Variants in COMMD1 observed in about 807,000 individuals in gnomAD.
COMMD1 encodes COMM domain-containing protein 1.
A neutral mutation model predicts 17.2 loss-of-function variants in COMMD1; 10 were observed. That is an observed-to-expected ratio of 0.58 (90% CI 0.36 to 0.99). The LOEUF is 0.99. Ranked by LOEUF, COMMD1 falls within the 50% of genes least tolerant of loss-of-function variation. The pLI is 0.01. For missense variants in COMMD1, 270 were observed against 231.8 expected, an observed-to-expected ratio of 1.17 and a Z score of -1.07; for synonymous variants, 97 against 91.6, an observed-to-expected ratio of 1.06 and a Z score of -0.34.
At chr2:61,917,359 A>G (rs1208844093) in intron 1 of COMMD1, among the ~76,000 whole-genome samples, 3 of 151,380 alleles carry the variant, frequency 2.0e-5, no homozygotes, top group East Asian at 3.9e-4. Context: ...TCCAGTTTAA[A>G]AAAAAAAAAA....
intron 2 of COMMD1, among the ~76,000 whole-genome samples, chr2:62,094,828 C>T (rs927804554): frequency 2.6e-5 from 4 of 152,224 alleles, no homozygotes; most frequent in Admixed American, 6.5e-5. Context: ...AATACAATTT[C>T]TGTACTTGAA....
At chr2:62,042,115 CTGTT>C (rs1048738984) in intron 2 of COMMD1, among the ~76,000 whole-genome samples, 5 of 152,178 alleles carry the variant, frequency 3.3e-5, no homozygotes, top group Admixed American at 6.5e-5. Flanking sequence ...GCTGATTGGT[CTGTT>C]TGACAGAGCG....
chr2:62,009,316 A>T (rs1287582638), intron 2 of COMMD1, among the ~76,000 whole-genome samples: 1 of 152,114 alleles, frequency 6.6e-6, no homozygotes, highest in African/African-American at 2.4e-5. Context: ...GAAAAAAGAA[A>T]GAATAAGACT....
chr2:61,904,312 C>T (rs1044616958), upstream of COMMD1, among the ~76,000 whole-genome samples: 2 of 152,188 alleles, frequency 1.3e-5, no homozygotes, highest in African/African-American at 4.8e-5. Flanking sequence ...TGCCCGGCAA[C>T]ACAATGTATT....
intron 2 of COMMD1, among the ~76,000 whole-genome samples, chr2:62,121,024 A>G (rs937684317): frequency 4.6e-5 from 7 of 152,060 alleles, no homozygotes; most frequent in African/African-American, 1.7e-4. Context: ...GATTACAGAT[A>G]TGAGCCACCA....
intron 1 of COMMD1, among the ~76,000 whole-genome samples, chr2:61,950,629 G>C (rs1671026964): frequency 1.3e-5 from 2 of 152,192 alleles, no homozygotes; most frequent in South Asian, 4.1e-4. Flanking sequence ...GCATATCCAA[G>C]TTGCCAGCAT....
intron 1 of COMMD1, among the ~76,000 whole-genome samples, chr2:61,974,906 T>A (rs1242317460): frequency 6.6e-6 from 1 of 152,020 alleles, no homozygotes; most frequent in Non-Finnish European, 1.5e-5. Flanking sequence ...TAGCGTTCAC[T>A]CTGCTTCAGC....
At chr2:62,098,482 C>A (rs1672080126) in intron 2 of COMMD1, among the ~76,000 whole-genome samples, 1 of 152,120 alleles carries the variant, frequency 6.6e-6, no homozygotes, top group African/African-American at 2.4e-5. Context: ...GACTAAGTGA[C>A]TGGTGGGCAA....
In COMMD1 at chr2:61,995,199, C is replaced by A. The variant is rs150587287; in HGVS notation, c.181-5502C>A. On this transcript the variant is annotated intron_variant, in intron 1 of 2. Coordinates refer to ENST00000311832, the MANE Select transcript of COMMD1 (RefSeq NM_152516.4). ...TCCAGGGCTTGAACAATACTCCTGC[C>A]TCAGCCTCTGGAGTAGCTGGGACTG... Among the ~76,000 whole-genome samples, 762 of 152,292 alleles carry A rather than the reference C, an allele frequency of 5.0e-3. 9 individuals carry two copies. The highest frequency in any genetic ancestry group is 0.016 in the African/African-American group (682 of 41,554).
chr2:62,057,667 T>G (rs1415276005), intron 2 of COMMD1, among the ~76,000 whole-genome samples: 1 of 152,050 alleles, frequency 6.6e-6, no homozygotes, highest in Non-Finnish European at 1.5e-5. Flanking sequence ...ACTCCTGGGT[T>G]TGAGCTATCC....
intron 1 of COMMD1, among the ~76,000 whole-genome samples, chr2:61,988,821 G>A (rs142068763): frequency 1.8e-3 from 277 of 152,238 alleles, no homozygotes; most frequent in African/African-American, 5.9e-3. Flanking sequence ...GAGGCTTGCC[G>A]AACTCAAGTT....
At chr2:61,895,109 A>G (rs567518576) in intron 1 of COMMD1, among the ~76,000 whole-genome samples, 14 of 152,386 alleles carry the variant, frequency 9.2e-5, no homozygotes, top group Admixed American at 2.0e-4. Context: ...AACAATAGCA[A>G]CAATGAAGAT....
intron 2 of COMMD1, among the ~76,000 whole-genome samples, chr2:62,015,602 A>G (rs1039301008): frequency 6.7e-6 from 1 of 148,834 alleles, no homozygotes; most frequent in African/African-American, 2.5e-5. Flanking sequence ...CTGACAAACT[A>G]TTTTCTACAG....
At chr2:62,004,766 G>T (rs547512552) in intron 2 of COMMD1, among the ~76,000 whole-genome samples, 29 of 152,232 alleles carry the variant, frequency 1.9e-4, no homozygotes, top group African/African-American at 6.5e-4. Context: ...CAGCTTCTAG[G>T]TTAGTGTTAT....
rs138766147 is a variant in COMMD1, at chr2:62,081,679, C to G, written c.463-54152C>G. ...TTTCCTCTTAGTAATTGCCTGTGCA[C>G]ATCCTGTACCTCCTTTTTCTCTCGG... On this transcript the variant is annotated intron_variant, in intron 2 of 2. Coordinates refer to ENST00000311832, the MANE Select transcript of COMMD1 (RefSeq NM_152516.4). 1.8e-3 allele frequency among the ~76,000 whole-genome samples: 274 copies of G among 152,292 alleles called. 1 individual carries two copies. Among genetic ancestry groups the G allele is most frequent in the Middle Eastern group, 6.8e-3 (2 of 294 alleles).
intron 1 of COMMD1, chr2:61,968,944 T>C (rs889507951): frequency 3.5e-6 from 1 of 286,832 alleles, no homozygotes; most frequent in South Asian, 2.7e-5. Flanking sequence ...CTTTATTTAG[T>C]CTTTTTTTTT....
intron 1 of COMMD1, among the ~76,000 whole-genome samples, chr2:61,919,301 C>T (rs1010732644): frequency 5.3e-5 from 8 of 151,998 alleles, no homozygotes; most frequent in African/African-American, 1.2e-4. Context: ...CGGGAGCCAC[C>T]GTGCCTGGGC....
intron 1 of COMMD1, among the ~76,000 whole-genome samples, chr2:61,917,883 A>C (rs1670090384): frequency 6.6e-6 from 1 of 152,236 alleles, no homozygotes; most frequent in Non-Finnish European, 1.5e-5. Flanking sequence ...CTTGAGTATA[A>C]AATAATGGAT....
At chr2:61,902,086 C>G (rs1669668578), upstream of COMMD1, among the ~76,000 whole-genome samples, 1 of 152,028 alleles carries the variant, frequency 6.6e-6, no homozygotes, top group South Asian at 2.1e-4. Context: ...CCACCTTGGC[C>G]TCCCAAAGTT....
Sources: allele counts gnomAD v4.1 joint callset (sites outside exome capture counted in the v4.1 genomes callset), GRCh38; gene constraint gnomAD v4.1.1; transcripts MANE v1.5; gene names NCBI Gene and HGNC (gene_info 2026-07-23, HGNC 2026-07-21).